Variants in SLC8A1 observed in about 807,000 individuals in gnomAD.
SLC8A1 encodes solute carrier family 8 member A1, also known as sodium/calcium exchanger 1.
In SLC8A1, 18 loss-of-function variants were observed where a neutral mutation model predicts 68.3. That is an observed-to-expected ratio of 0.26 (90% CI 0.18 to 0.39). SLC8A1 has a LOEUF of 0.39. Ranked by LOEUF, SLC8A1 falls within the 10% of genes least tolerant of loss-of-function variation. SLC8A1 has a pLI of 1.00. For missense variants in SLC8A1, 985 were observed against 1,156.7 expected, an observed-to-expected ratio of 0.85 and a Z score of 2.15; for synonymous variants, 475 against 415.5, an observed-to-expected ratio of 1.14 and a Z score of -1.74.
intron 2 of SLC8A1, among the ~76,000 whole-genome samples, chr2:40,257,077 A>ATATC (rs2064046483): frequency 6.6e-6 from 1 of 152,172 alleles, no homozygotes; most frequent in African/African-American, 2.4e-5. Flanking sequence ...ACAAATATAC[A>ATATC]TATCTGTGTA....
At chr2:40,336,654 A>G (rs1422705233) in intron 2 of SLC8A1, among the ~76,000 whole-genome samples, 2 of 152,198 alleles carry the variant, frequency 1.3e-5, no homozygotes, top group East Asian at 1.9e-4. Context: ...GCTATCATAG[A>G]TATAGACTGT....
At chr2:40,363,118 A>G (rs1454630416) in intron 2 of SLC8A1, among the ~76,000 whole-genome samples, 4 of 152,130 alleles carry the variant, frequency 2.6e-5, no homozygotes, top group Non-Finnish European at 4.4e-5. Context: ...CATCTGATCT[A>G]GAGGAATGAA....
At chr2:40,445,303 G>C (rs547972141) in intron 1 of SLC8A1, among the ~76,000 whole-genome samples, 1 of 152,098 alleles carries the variant, frequency 6.6e-6, no homozygotes, top group South Asian at 2.1e-4. Flanking sequence ...AGGACCCTAG[G>C]TTGGTTCATT....
At chr2:40,156,688 A>C (rs947747197) in intron 6 of SLC8A1, among the ~76,000 whole-genome samples, 2 of 151,766 alleles carry the variant, frequency 1.3e-5, no homozygotes, top group African/African-American at 2.4e-5. Flanking sequence ...AAAAAAAAAA[A>C]CATTTCTATT....
intron 4 of SLC8A1, among the ~76,000 whole-genome samples, chr2:40,167,385 G>A (rs763788564): frequency 1.3e-5 from 2 of 152,058 alleles, no homozygotes; most frequent in South Asian, 2.1e-4. Flanking sequence ...TGTGGCAAAC[G>A]ATACTAGTTT....
At chr2:40,265,691 C>G (rs1360351439) in intron 2 of SLC8A1, among the ~76,000 whole-genome samples, 1 of 152,078 alleles carries the variant, frequency 6.6e-6, no homozygotes, top group East Asian at 1.9e-4. Flanking sequence ...ACCAAAAGAG[C>G]AGTAATTCAT....
intron 2 of SLC8A1, among the ~76,000 whole-genome samples, chr2:40,189,074 T>C (rs990301144): frequency 6.6e-6 from 1 of 152,126 alleles, no homozygotes; most frequent in African/African-American, 2.4e-5. Context: ...TAGAAATCAA[T>C]ACCAGATTTC....
chr2:40,412,190 T>C (rs953849915), intron 2 of SLC8A1, among the ~76,000 whole-genome samples: 1 of 152,114 alleles, frequency 6.6e-6, no homozygotes, highest in African/African-American at 2.4e-5. Context: ...TGTCAGAATA[T>C]ATTAATGTCA....
chr2:40,347,266 G>T (rs1357123484), intron 2 of SLC8A1, among the ~76,000 whole-genome samples: 2 of 152,224 alleles, frequency 1.3e-5, no homozygotes, highest in African/African-American at 2.4e-5. Context: ...CTCCCAAAGT[G>T]CTAGGATTAC....
At chr2:40,231,772 A>T (rs1310319569) in intron 2 of SLC8A1, among the ~76,000 whole-genome samples, 3 of 152,148 alleles carry the variant, frequency 2.0e-5, no homozygotes, top group African/African-American at 7.2e-5. Flanking sequence ...CAACACCCAC[A>T]TCAATAGCAT....
chr2:40,203,684 A>C (rs2054837912), intron 2 of SLC8A1, among the ~76,000 whole-genome samples: 1 of 151,964 alleles, frequency 6.6e-6, no homozygotes, highest in African/African-American at 2.4e-5. Flanking sequence ...TACTTTAATC[A>C]AATGCCTGCA....
intron 2 of SLC8A1, among the ~76,000 whole-genome samples, chr2:40,249,411 T>G (rs2062389357): frequency 1.3e-5 from 2 of 152,222 alleles, no homozygotes; most frequent in Non-Finnish European, 2.9e-5. Flanking sequence ...TACATCAGCA[T>G]TTTTCAAAAT....
At chr2:40,280,691 GTCACAGATATAA>G (rs756815116) in intron 2 of SLC8A1, among the ~76,000 whole-genome samples, 31 of 152,288 alleles carry the variant, frequency 2.0e-4, no homozygotes, top group Middle Eastern at 6.8e-3. Flanking sequence ...AATATATGAT[GTCACAGATATAA>G]ATACAGAAAT....
intron 2 of SLC8A1, among the ~76,000 whole-genome samples, chr2:40,253,013 CTG>C (rs1468001124): frequency 4.2e-5 from 5 of 117,992 alleles, no homozygotes; most frequent in Non-Finnish European, 7.5e-5. Flanking sequence ...ATATATGTAT[CTG>C]TATATATGTA....
At chr2:40,382,415 GT>G (rs1226252851) in intron 2 of SLC8A1, among the ~76,000 whole-genome samples, 23 of 152,042 alleles carry the variant, frequency 1.5e-4, no homozygotes, top group Admixed American at 1.2e-3. Context: ...TCCGTAACCT[GT>G]TTACATCACT....
At chr2:40,268,690 A>T (rs373327243) in intron 2 of SLC8A1, among the ~76,000 whole-genome samples, 1 of 152,184 alleles carries the variant, frequency 6.6e-6, no homozygotes, top group African/African-American at 2.4e-5. Context: ...CTTTCTGGGA[A>T]TTATTCCATT....
chr2:40,137,917 C>T (rs769838923), intron 7 of SLC8A1, among the ~76,000 whole-genome samples: 1 of 152,040 alleles, frequency 6.6e-6, no homozygotes, highest in African/African-American at 2.4e-5. Flanking sequence ...AACACCATGC[C>T]TTATGGCTGA....
intron 2 of SLC8A1, among the ~76,000 whole-genome samples, chr2:40,261,712 A>G (rs2064726261): frequency 7.2e-6 from 1 of 138,752 alleles, no homozygotes; most frequent in Non-Finnish European, 1.5e-5. Flanking sequence ...TTATTTAAAG[A>G]GAAAAATGTG....
intron 1 of SLC8A1, among the ~76,000 whole-genome samples, chr2:40,492,424 A>T (rs1705378845): frequency 6.6e-6 from 1 of 152,214 alleles, no homozygotes; most frequent in Non-Finnish European, 1.5e-5. Context: ...CATTCAGGAC[A>T]TAGGCACGGG....
Sources: gnomAD v4.1 joint callset for allele counts (sites outside exome capture counted in the v4.1 genomes callset) on GRCh38, gnomAD v4.1.1 for gene constraint, MANE v1.5 for transcripts, NCBI Gene and HGNC (gene_info 2026-07-23, HGNC 2026-07-21) for gene names.